PCDH15: variants seen among roughly 807,000 people sequenced by gnomAD.
PCDH15 encodes the protein protocadherin related 15.
Under a neutral mutation model 178.5 loss-of-function variants are expected in PCDH15, and 129 were observed. That is an observed-to-expected ratio of 0.72 (90% confidence interval 0.63 to 0.84). The LOEUF is 0.84. Ranked by LOEUF, PCDH15 falls within the 40% of genes least tolerant of loss-of-function variation. The pLI, the probability that PCDH15 is intolerant of heterozygous loss-of-function variation, is 0.00. For synonymous variants in PCDH15, 800 were observed against 732.0 expected (o/e 1.09, Z -1.50); for missense variants, 2,230 against 2,099.9 (o/e 1.06, Z -1.21).
chr10:55,450,955 C>CTATA (rs56986885), intron 2 of PCDH15, among the ~76,000 whole-genome samples: 6,078 of 122,084 alleles, frequency 0.05, 231 homozygotes, highest in African/African-American at 0.087. Flanking sequence ...GGGGTAAGAA[C>CTATA]TATATATATA....
intron 2 of PCDH15, among the ~76,000 whole-genome samples, chr10:55,127,218 G>T (rs750990284): frequency 6.6e-6 from 1 of 152,006 alleles, no homozygotes; most frequent in Non-Finnish European, 1.5e-5. Flanking sequence ...CCCCTTTCTG[G>T]AATTGCAGAA....
chr10:54,412,942 C>T (rs994714277), intron 3 of PCDH15, among the ~76,000 whole-genome samples: 1 of 152,122 alleles, frequency 6.6e-6, no homozygotes, highest in Non-Finnish European at 1.5e-5. Context: ...CTTGTGCTAT[C>T]ATATTGCATG....
At chr10:54,801,390 C>A (rs41274640), upstream of PCDH15, 606 of 152,288 alleles carry the variant, frequency 4.0e-3, 3 homozygotes, top group Non-Finnish European at 7.2e-3. Context: ...GACTGGTGAG[C>A]GCTTTGCACC....
chr10:55,249,288 A>C (rs1387280265), intron 1 of PCDH15, among the ~76,000 whole-genome samples: 1 of 152,342 alleles, frequency 6.6e-6, no homozygotes, highest in East Asian at 1.9e-4. Context: ...ATTTAAGTCA[A>C]ATTTTAAATT....
In PCDH15 at chr10:53,831,459, T is replaced by G; in HGVS notation, c.4058A>C (p.Glu1353Ala). 1 of 1,614,158 alleles carries G rather than the reference T, an allele frequency of 6.2e-7. No homozygotes were observed. Among genetic ancestry groups the G allele is most frequent in the Non-Finnish European group, 8.5e-7 (1 of 1,180,026 alleles). The change falls in exon 30 of 38, where the codon GAG (glutamate) becomes GCG (alanine). Residue 1353 changes from glutamate (E) to alanine (A), a missense_variant. Physicochemically the swap from Glu to Ala is moderately radical, Grantham distance 107. Transcript: ENST00000644397. ...PYYGEGGRIL[E>A]IRTPEAVTSI... ...GGTCACTGCCTCTGGAGTCCGGATC[T>G]CCAGAATGCGTCCTCCTTCCCCATA...
At chr10:55,195,492 A>G (rs1199774599) in intron 1 of PCDH15, among the ~76,000 whole-genome samples, 33 of 149,556 alleles carry the variant, frequency 2.2e-4, no homozygotes, top group African/African-American at 3.7e-4. Flanking sequence ...AATACAAAAA[A>G]AAAAAAAAAA....
chr10:53,922,324 T>C (rs1406771740), intron 25 of PCDH15, among the ~76,000 whole-genome samples: 1 of 152,174 alleles, frequency 6.6e-6, no homozygotes, highest in African/African-American at 2.4e-5. Context: ...TACCTTTTTA[T>C]AGAGTATTTC....
At chr10:54,487,051 A>G (rs141800431) in intron 3 of PCDH15, among the ~76,000 whole-genome samples, 4 of 152,176 alleles carry the variant, frequency 2.6e-5, no homozygotes, top group African/African-American at 7.2e-5. Context: ...TCATTATTAT[A>G]TATTTGGGAG....
At chr10:54,360,858 G>C (rs950067979) in intron 5 of PCDH15, among the ~76,000 whole-genome samples, 1 of 151,982 alleles carries the variant, frequency 6.6e-6, no homozygotes, top group East Asian at 1.9e-4. Flanking sequence ...GATTTGAATT[G>C]ACAAATTTAT....
In PCDH15 at chr10:54,718,432, T is replaced by A. The variant is rs1433922418; in HGVS notation, c.-28-54142A>T. Among the ~76,000 whole-genome samples the A allele has an allele frequency of 1.3e-5, 2 of 151,960 alleles. 1 individual carries two copies. The highest frequency in any genetic ancestry group is 1.3e-4 in the Admixed American group (2 of 15,234). On this transcript the variant is annotated intron_variant, in intron 1 of 37. Coordinates refer to ENST00000644397, the MANE Select transcript of PCDH15 (RefSeq NM_001384140.1). ...CTAAAAATAACATTCAGGAAAGCCA[T>A]CATACAAAGGCTATATGTAACCAAA...
intron 2 of PCDH15, among the ~76,000 whole-genome samples, chr10:55,619,831 C>T (rs886641085): frequency 3.3e-5 from 5 of 151,932 alleles, no homozygotes; most frequent in African/African-American, 4.8e-5. Flanking sequence ...AACTGGAATG[C>T]TATCATTTTA....
In PCDH15 at chr10:54,176,626, T is replaced by C. The variant is rs1002370034; in HGVS notation, c.1590+6818A>G. ...TATTACATAGATGTCCTTGACTGTA[T>C]GTGTGGAGCTTTCTTCCTTCCATTG... On this transcript the variant is annotated intron_variant, in intron 13 of 37. Transcript: ENST00000644397. Among the ~76,000 whole-genome samples, 5 of 152,176 alleles carry C rather than the reference T, an allele frequency of 3.3e-5. No homozygotes were observed. In the South Asian group the frequency reaches 6.2e-4, roughly 19 times the overall value.
chr10:54,171,066 C>T (rs1021539357), intron 13 of PCDH15, among the ~76,000 whole-genome samples: 1 of 152,104 alleles, frequency 6.6e-6, no homozygotes, highest in African/African-American at 2.4e-5. Flanking sequence ...AGAGGCCTTT[C>T]CTACAGGGTC....
At chr10:54,809,936 G>T (rs905294569) in intron 3 of PCDH15, among the ~76,000 whole-genome samples, 4 of 152,100 alleles carry the variant, frequency 2.6e-5, no homozygotes, top group Admixed American at 2.0e-4. Flanking sequence ...GCCGTTAGTA[G>T]TTTTAAGACT....
At chr10:55,026,459 A>G (rs1840477801) in intron 2 of PCDH15, among the ~76,000 whole-genome samples, 1 of 151,992 alleles carries the variant, frequency 6.6e-6, no homozygotes, top group Non-Finnish European at 1.5e-5. Flanking sequence ...GTTTTCAGAT[A>G]GGGACATTGA....
chr10:55,330,976 C>A (rs1448275865), intron 2 of PCDH15, among the ~76,000 whole-genome samples: 3 of 151,510 alleles, frequency 2.0e-5, no homozygotes, highest in Admixed American at 6.6e-5. Flanking sequence ...GATGGAGCAT[C>A]GCCACTCTCC....
intron 23 of PCDH15, among the ~76,000 whole-genome samples, chr10:53,950,471 A>G (rs186721656): frequency 1.3e-5 from 2 of 152,314 alleles, no homozygotes; most frequent in East Asian, 3.9e-4. Context: ...TAGGTGGCAT[A>G]TATCTTTGAA....
At chr10:54,671,527 A>G (rs1224390953) in intron 1 of PCDH15, among the ~76,000 whole-genome samples, 1 of 152,276 alleles carries the variant, frequency 6.6e-6, no homozygotes. Context: ...ATAAGGGTAA[A>G]CTAGTTAAAA....
chr10:54,642,671 C>A (rs2094019158), intron 2 of PCDH15, among the ~76,000 whole-genome samples: 2 of 152,112 alleles, frequency 1.3e-5, no homozygotes, highest in South Asian at 4.1e-4. Flanking sequence ...CTATTCCATA[C>A]CCCAAATGAT....
Sources: gnomAD v4.1 joint callset for allele counts (sites outside exome capture counted in the v4.1 genomes callset) on GRCh38, gnomAD v4.1.1 for gene constraint, MANE v1.5 for transcripts, NCBI Gene and HGNC (gene_info 2026-07-23, HGNC 2026-07-21) for gene names.